The following ASPG variants were observed in gnomAD, a reference collection of about 807,000 sequenced individuals.
ASPG encodes asparaginase.
In ASPG, 53 loss-of-function variants were observed where a neutral mutation model predicts 63.2. The observed-to-expected ratio is 0.84, with a 90% confidence interval of 0.67 to 1.05. The LOEUF (loss-of-function observed/expected upper bound fraction) is 1.05. Ranked by LOEUF, ASPG falls within the 50% of genes least tolerant of loss-of-function variation. ASPG has a pLI of 0.00. For missense variants in ASPG, 741 were observed against 794.4 expected (o/e 0.93, Z 0.81); for synonymous variants, 370 against 355.0 (o/e 1.04, Z -0.48).
At chr14:104,099,385 GC>G (rs146934398) in intron 6 of ASPG, among the ~76,000 whole-genome samples, 1,932 of 152,326 alleles carry the variant, frequency 0.013, 42 homozygotes, top group African/African-American at 0.044. Flanking sequence ...CCGGCGGGCA[GC>G]CCAGCCATCC....
Position 104,111,984 on chromosome 14 carries a change from C to G in ASPG, c.1685C>G (p.Ala562Gly). 1 of 1,554,984 alleles carries G rather than the reference C, an allele frequency of 6.4e-7. No individual in the cohort carries two copies. The highest frequency in any genetic ancestry group is 8.7e-7 in the Non-Finnish European group (1 of 1,148,998). The change falls in exon 15 of 16, where the codon GCC (alanine) becomes GGC (glycine). Residue 562 changes from alanine (A) to glycine (G), a missense_variant. Coordinates refer to ENST00000551177, the MANE Select transcript of ASPG (RefSeq NM_001080464.3). ...CAGAGCCTGGAGGGTGCGGTTGGTG[C>G]CCAGGCCCCATGCCCAGTAAGTCCC... ...FLQSLEGAVGAQAPCPEVLPG... is the reference protein window; with the variant it reads ...FLQSLEGAVGGQAPCPEVLPG...
Position 104,092,809 on chromosome 14 carries a change from G to T in ASPG, c.191+68G>T, listed in dbSNP as rs1283021974. The T allele has an allele frequency of 2.0e-5, 28 of 1,370,466 alleles. No individual in the cohort carries two copies. In the East Asian group the frequency reaches 6.5e-4, roughly 32 times the overall value. 84.9% of individuals were successfully genotyped at this position (1,370,466 alleles called of 1,614,324 possible). A position where few individuals can be genotyped will look rare whatever the true frequency, so the allele number is the denominator to read the frequency against. ...TGAGGGGCACCGATCCTGAGGCTGG[G>T]CACTGCTGGCCAGGCCCACGTGAGC... On this transcript the variant is annotated intron_variant, in intron 2 of 15. Transcript: ENST00000551177.
chr14:104,095,421 G>C, intron 3 of ASPG, 110 bp from the exon 4 acceptor site: 1 of 1,479,060 alleles, frequency 6.8e-7, no homozygotes, highest in Non-Finnish European at 9.2e-7. Context: ...TCCCACGGGT[G>C]CCTCCCCTGA....
intron 1 of ASPG, among the ~76,000 whole-genome samples, 176 bp from the exon 2 acceptor site, chr14:104,092,457 T>C (rs1405537743): frequency 6.6e-6 from 1 of 152,064 alleles, no homozygotes; most frequent in African/African-American, 2.4e-5. Context: ...CAAACGCGGG[T>C]CAGCCGCCTG....
intron 6 of ASPG, among the ~76,000 whole-genome samples, chr14:104,099,637 C>T (rs2036783494): frequency 6.6e-6 from 1 of 152,236 alleles, no homozygotes; most frequent in Non-Finnish European, 1.5e-5. Flanking sequence ...CTGGACTCTA[C>T]CCGGCCCCTG....
chr14:104,091,535 G>A lies in ASPG; in HGVS notation c.83-1098G>A, dbSNP rs867582315. On this transcript the variant is annotated intron_variant, in intron 1 of 15. Transcript: ENST00000551177. This position sits in a 1 kb window ranked among gnomAD's most constrained non-coding sequence, Gnocchi z 6.4. ...TTGTGTAAGGCCAGAGGAGGATCAC[G>A]GGTGCCATAAACCTTCACGGGGCCA... Among the ~76,000 whole-genome samples the A allele has an allele frequency of 5.3e-5, 8 of 152,234 alleles. No individual in the cohort carries two copies. Among genetic ancestry groups the A allele is most frequent in the Admixed American group, 5.2e-4 (8 of 15,290 alleles).
Sources: gnomAD v4.1 joint callset for allele counts (sites outside exome capture counted in the v4.1 genomes callset) on GRCh38, gnomAD v4.1.1 for gene constraint, Gnocchi (gnomAD v3.1) non-coding constraint, MANE v1.5 for transcripts, NCBI Gene and HGNC (gene_info 2026-07-23, HGNC 2026-07-21) for gene names.